ZNF536: variants seen among roughly 807,000 people sequenced by gnomAD.
The protein encoded by ZNF536 is zinc finger protein 536.
Under a neutral mutation model 84.5 loss-of-function variants are expected in ZNF536, and 13 were observed. That is an observed-to-expected ratio of 0.15 (90% CI 0.10 to 0.24). The LOEUF is 0.24. Among genes scored for constraint, ZNF536 ranks in the 10% least tolerant of loss-of-function variants. The probability of loss-of-function intolerance (pLI) is 1.00; values close to 1 mark genes in which losing one functional copy is unlikely to be tolerated. For synonymous variants in ZNF536, 811 were observed against 742.5 expected, an observed-to-expected ratio of 1.09 and a Z score of -1.50; for missense variants, 1,536 against 1,747.5, an observed-to-expected ratio of 0.88 and a Z score of 2.16.
exon 2 of ZNF536, chr19:30,711,858 T>C (rs1354903563): frequency 6.6e-6 from 1 of 152,172 alleles, no homozygotes; most frequent in Non-Finnish European, 1.5e-5. Flanking sequence ...ACCCCATCCA[T>C]AGAAGATGCT....
At chr19:30,340,038 G>C (rs1234526707) in intron 2 of ZNF536, among the ~76,000 whole-genome samples, 1 of 152,134 alleles carries the variant, frequency 6.6e-6, no homozygotes, top group African/African-American at 2.4e-5. Flanking sequence ...CTGGGCCCGG[G>C]CAGGCCGCCA....
At chr19:30,594,197 C>T (rs563853964) in intron 1 of ZNF536, among the ~76,000 whole-genome samples, 12 of 152,330 alleles carry the variant, frequency 7.9e-5, no homozygotes, top group Non-Finnish European at 1.2e-4. Context: ...CCTCATCTTA[C>T]GTATAGCTGT....
At chr19:30,561,398 G>T (rs958825319), downstream of ZNF536, among the ~76,000 whole-genome samples, 1 of 152,144 alleles carries the variant, frequency 6.6e-6, no homozygotes, top group Non-Finnish European at 1.5e-5. Context: ...ACTAGGATTA[G>T]CTCTTTCTTG....
intron 2 of ZNF536, among the ~76,000 whole-genome samples, chr19:30,475,073 ATTG>A (rs1383738282): frequency 1.1e-4 from 16 of 151,740 alleles, no homozygotes; most frequent in African/African-American, 3.9e-4. Flanking sequence ...TTTTTGCGTT[ATTG>A]TTGTTGTTTG....
At chr19:30,640,648 GT>G (rs2049236640) in intron 1 of ZNF536, among the ~76,000 whole-genome samples, 1 of 152,222 alleles carries the variant, frequency 6.6e-6, no homozygotes, top group Non-Finnish European at 1.5e-5. Flanking sequence ...CTGACCTGGT[GT>G]TTGTACTGGT....
chr19:30,317,371 C>T (rs549336642), intron 2 of ZNF536, among the ~76,000 whole-genome samples: 1 of 152,326 alleles, frequency 6.6e-6, no homozygotes, highest in South Asian at 2.1e-4. Context: ...ATTAGGAGAG[C>T]CCCTTGCAGG....
At chr19:30,711,803 A>T (rs937829420) in exon 2 of ZNF536, 2 of 152,190 alleles carry the variant, frequency 1.3e-5, no homozygotes, top group Admixed American at 6.5e-5. Context: ...GCTATTAAAA[A>T]AAAGTAGGGT....
At chr19:30,293,643 C>G (rs1446902259) in intron 2 of ZNF536, among the ~76,000 whole-genome samples, 1 of 152,218 alleles carries the variant, frequency 6.6e-6, no homozygotes, top group Non-Finnish European at 1.5e-5. Context: ...GAGCTGGACT[C>G]TTACCCTTAG....
At chr19:30,277,732 G>C (rs370698923) in intron 1 of ZNF536, among the ~76,000 whole-genome samples, 1 of 152,258 alleles carries the variant, frequency 6.6e-6, no homozygotes, top group Non-Finnish European at 1.5e-5. Flanking sequence ...CAGCGTGTCC[G>C]TTGTGGGACC....
intron 2 of ZNF536, among the ~76,000 whole-genome samples, chr19:30,326,378 G>A (rs996307869): frequency 3.9e-5 from 6 of 152,198 alleles, no homozygotes; most frequent in Non-Finnish European, 1.5e-5. Flanking sequence ...AAAAGGGTGC[G>A]GGAGACAGGG....
intron 1 of ZNF536, among the ~76,000 whole-genome samples, chr19:30,442,831 A>T (rs896183629): frequency 2.0e-5 from 3 of 152,210 alleles, no homozygotes; most frequent in African/African-American, 7.2e-5. Context: ...ACACTGAAGG[A>T]TTTTTATGAT....
At chr19:30,482,821 T>A (rs1041204678) in intron 2 of ZNF536, among the ~76,000 whole-genome samples, 2 of 152,048 alleles carry the variant, frequency 1.3e-5, no homozygotes, top group African/African-American at 4.8e-5. Context: ...CTGGTTGAAT[T>A]GGGAGTTTTG....
At chr19:30,325,983 C>T (rs992074112) in intron 2 of ZNF536, among the ~76,000 whole-genome samples, 3 of 152,230 alleles carry the variant, frequency 2.0e-5, no homozygotes, top group Admixed American at 6.5e-5. Flanking sequence ...CTCCTCTCTG[C>T]TAAATCACAA....
At chr19:30,584,789 T>A (rs1210578978) in intron 1 of ZNF536, among the ~76,000 whole-genome samples, 1 of 152,200 alleles carries the variant, frequency 6.6e-6, no homozygotes, top group Non-Finnish European at 1.5e-5. Context: ...TTCTCTCAGA[T>A]CAAAACTACT....
chr19:30,271,776 G>T (rs1397245629), intron 1 of ZNF536, among the ~76,000 whole-genome samples: 1 of 152,192 alleles, frequency 6.6e-6, no homozygotes, highest in South Asian at 2.1e-4. Flanking sequence ...AGGTGGAAAC[G>T]GTTGGAAGAG....
chr19:30,607,970 A>G (rs1417025355), intron 1 of ZNF536, among the ~76,000 whole-genome samples: 1 of 152,192 alleles, frequency 6.6e-6, no homozygotes, highest in Non-Finnish European at 1.5e-5. Flanking sequence ...GACCATGTAC[A>G]ATAAATTATT....
At chr19:30,639,010 A>G (rs2049171460) in intron 1 of ZNF536, among the ~76,000 whole-genome samples, 1 of 152,184 alleles carries the variant, frequency 6.6e-6, no homozygotes, top group African/African-American at 2.4e-5. Flanking sequence ...TATATCAGGT[A>G]TAGTTATTCT....
chr19:30,515,761 A>G (rs1246851040), intron 2 of ZNF536, among the ~76,000 whole-genome samples: 1 of 152,040 alleles, frequency 6.6e-6, no homozygotes, highest in African/African-American at 2.4e-5. Flanking sequence ...GCTCACCCCT[A>G]TAATCTATAA....
rs556023423 is a variant in ZNF536, at chr19:30,362,323, G to T, written c.-3+9839G>T. Among the ~76,000 whole-genome samples the T allele has an allele frequency of 3.3e-5, 5 of 152,246 alleles. No homozygotes were observed. In the South Asian group the frequency reaches 1.0e-3, roughly 32 times the overall value. ...TAGTGAGCTCCGGAAGATGAGAGCC[G>T]CATCTCAACACTTTGTTGTAAAGGT... On this transcript the variant is annotated intron_variant, in intron 3 of 5. Transcript: ENST00000585628.
Sources: gnomAD v4.1 joint callset for allele counts (sites outside exome capture counted in the v4.1 genomes callset) on GRCh38, gnomAD v4.1.1 for gene constraint, MANE v1.5 for transcripts, NCBI Gene and HGNC (gene_info 2026-07-23, HGNC 2026-07-21) for gene names.